Variants in APBB1IP observed in about 807,000 individuals in gnomAD.
APBB1IP encodes amyloid beta precursor protein binding family B member 1 interacting protein.
A neutral mutation model predicts 64.9 loss-of-function variants in APBB1IP; 27 were observed. The ratio of observed to expected loss-of-function variants is 0.42; its 90% CI spans 0.31 to 0.57. APBB1IP has a LOEUF of 0.57. Ranked by LOEUF, APBB1IP falls within the 20% of genes least tolerant of loss-of-function variation. The probability of loss-of-function intolerance (pLI) is 0.20; values close to 1 mark genes in which losing one functional copy is unlikely to be tolerated. For missense variants in APBB1IP, 812 were observed against 845.5 expected (o/e 0.96, Z 0.49); for synonymous variants, 392 against 331.0 (o/e 1.18, Z -2.00).
At chr10:26,472,446 T>C (rs1226299442) in intron 2 of APBB1IP, among the ~76,000 whole-genome samples, 1 of 151,992 alleles carries the variant, frequency 6.6e-6, no homozygotes, top group Non-Finnish European at 1.5e-5. Flanking sequence ...TCTGAAGGAG[T>C]TCAGTTTGGC....
In APBB1IP at chr10:26,501,897, AAT is replaced by A. The variant is rs1412462785; in HGVS notation, c.453+789_453+790del. On this transcript the variant is annotated intron_variant, in intron 5 of 14. Coordinates refer to ENST00000376236, the MANE Select transcript of APBB1IP (RefSeq NM_019043.4). ...TCATACAATGCCTTTTGAATGAACAAATATTGAATATAAATCAAATATTAAAT... is the reference window on the plus strand; with the variant it reads ...TCATACAATGCCTTTTGAATGAACAAATTGAATATAAATCAAATATTAAAT... 2.6e-5 allele frequency: 4 copies of A among 152,364 alleles called. No individual in the cohort carries two copies. In the East Asian group the frequency reaches 7.7e-4, roughly 29 times the overall value. 9.4% of individuals were successfully genotyped at this position (152,364 alleles called of 1,614,324 possible). A position where few individuals can be genotyped will look rare whatever the true frequency, so the allele number is the denominator to read the frequency against.
chr10:26,562,352 A>G lies in APBB1IP; in HGVS notation c.1396A>G (p.Asn466Asp), dbSNP rs1370257189. 6.2e-7 allele frequency: 1 copy of G among 1,613,910 alleles called. No homozygotes were observed. Among genetic ancestry groups the G allele is most frequent in the South Asian group, 1.1e-5 (1 of 91,072 alleles). ...ACCTAAAACAGGCACCACCCAGCCCAATGGACAGATTCCCCAGGCTACACA... is the reference window on the plus strand; with the variant it reads ...ACCTAAAACAGGCACCACCCAGCCCGATGGACAGATTCCCCAGGCTACACA... ...TGPKTGTTQP[N>D]GQIPQATHSV... The change falls in exon 14 of 15, where the codon AAT becomes GAT. Residue 466 changes from asparagine to aspartate, a missense_variant. Asn to Asp is a conservative substitution (Grantham distance 23, BLOSUM62 1). Around this residue, in one of 3 missense-constraint regions of APBB1IP, gnomAD observed 381 missense variants for 352.1 expected, o/e 1.08. Coordinates refer to ENST00000376236, the MANE Select transcript of APBB1IP (RefSeq NM_019043.4).
At chr10:26,495,233 C>G (rs1450910086) in intron 3 of APBB1IP, among the ~76,000 whole-genome samples, 1 of 151,798 alleles carries the variant, frequency 6.6e-6, no homozygotes. Flanking sequence ...GTCTCTATCT[C>G]CTGATGTTGT....
intron 2 of APBB1IP, among the ~76,000 whole-genome samples, chr10:26,465,642 G>A (rs1390991513): frequency 6.6e-6 from 1 of 152,074 alleles, no homozygotes; most frequent in African/African-American, 2.4e-5. Context: ...TCATCACTTA[G>A]TAATTATCAT....
At chr10:26,498,959 G>C (rs1247944210) in intron 4 of APBB1IP, among the ~76,000 whole-genome samples, 1 of 152,070 alleles carries the variant, frequency 6.6e-6, no homozygotes, top group Non-Finnish European at 1.5e-5. Flanking sequence ...GCTAAAACAA[G>C]TTCAAAATAT....
At chr10:26,560,235 G>A (rs992658943) in intron 12 of APBB1IP, 32 bp downstream of exon 12, 2 of 1,596,318 alleles carry the variant, frequency 1.3e-6, no homozygotes, top group Non-Finnish European at 1.7e-6. Context: ...ACCCTGTCTT[G>A]AACTTGCCAG....
intron 8 of APBB1IP, among the ~76,000 whole-genome samples, chr10:26,525,409 G>T (rs1289485146): frequency 6.6e-6 from 1 of 152,144 alleles, no homozygotes; most frequent in Non-Finnish European, 1.5e-5. Flanking sequence ...AATTTGTGTT[G>T]CTTTTCTCTT....
intron 2 of APBB1IP, among the ~76,000 whole-genome samples, chr10:26,468,161 G>T (rs1483458743): frequency 2.0e-5 from 3 of 152,186 alleles, no homozygotes; most frequent in African/African-American, 7.2e-5. Context: ...CCTTGCTCAT[G>T]CTCTTAATAG....
At chr10:26,447,374 CA>C (rs55948326) in intron 2 of APBB1IP, among the ~76,000 whole-genome samples, 91 of 55,020 alleles carry the variant, frequency 1.7e-3, no homozygotes, top group African/African-American at 3.5e-3. Context: ...GACTCCGTCT[CA>C]AAAAAAAAAA....
intron 4 of APBB1IP, among the ~76,000 whole-genome samples, chr10:26,499,089 C>A (rs958023696): frequency 3.3e-5 from 5 of 151,928 alleles, no homozygotes; most frequent in African/African-American, 1.2e-4. Context: ...CATAATGAGA[C>A]CACTGTCTCT....
intron 2 of APBB1IP, among the ~76,000 whole-genome samples, chr10:26,484,123 G>A (rs948501528): frequency 6.6e-6 from 1 of 151,958 alleles, no homozygotes; most frequent in Non-Finnish European, 1.5e-5. Flanking sequence ...AAGAAAGCAG[G>A]GTTTTGACAG....
At chr10:26,561,712 A>C (rs1836974785) in intron 13 of APBB1IP, among the ~76,000 whole-genome samples, 1 of 152,142 alleles carries the variant, frequency 6.6e-6, no homozygotes, top group South Asian at 2.1e-4. Flanking sequence ...TGTCAAAAGG[A>C]CAAATTAAAA....
At chr10:26,559,618 CTTTCT>C (rs1274885576) in intron 11 of APBB1IP, among the ~76,000 whole-genome samples, 2 of 146,052 alleles carry the variant, frequency 1.4e-5, no homozygotes, top group Non-Finnish European at 3.0e-5. Flanking sequence ...AAATTTCTTT[CTTTCT>C]TTTTTTTTTT....
chr10:26,555,840 C>A (rs959545385), intron 11 of APBB1IP, among the ~76,000 whole-genome samples: 6 of 152,190 alleles, frequency 3.9e-5, no homozygotes, highest in African/African-American at 1.2e-4. Flanking sequence ...CTCAAGTGAT[C>A]TGCCTGTCTT....
At chr10:26,559,967 T>C (rs530755769) in intron 11 of APBB1IP, 138 bp from the exon 12 acceptor site, 3 of 696,040 alleles carry the variant, frequency 4.3e-6, no homozygotes. Context: ...ATCTTCCTAA[T>C]CTTAACATTA....
intron 2 of APBB1IP, among the ~76,000 whole-genome samples, chr10:26,453,933 A>G (rs907939139): frequency 1.3e-5 from 2 of 152,202 alleles, no homozygotes; most frequent in Non-Finnish European, 2.9e-5. Context: ...TTGTTGCAGC[A>G]CTGTTCACAA....
At chr10:26,439,510 G>A (rs766276842) in intron 2 of APBB1IP, among the ~76,000 whole-genome samples, 1 of 152,186 alleles carries the variant, frequency 6.6e-6, no homozygotes, top group East Asian at 1.9e-4. Flanking sequence ...GCCTTTTACA[G>A]AATGGAGGAA....
chr10:26,451,547 A>G (rs1296094004), intron 2 of APBB1IP, among the ~76,000 whole-genome samples: 3 of 152,232 alleles, frequency 2.0e-5, no homozygotes, highest in Admixed American at 6.5e-5. Flanking sequence ...GGACGTCCAG[A>G]ATCACATCTG....
intron 8 of APBB1IP, among the ~76,000 whole-genome samples, chr10:26,518,909 T>A (rs922846169): frequency 6.6e-6 from 1 of 152,158 alleles, no homozygotes. Flanking sequence ...TCACACAGAT[T>A]TTTTATTAAA....
Sources: allele counts gnomAD v4.1 joint callset (sites outside exome capture counted in the v4.1 genomes callset), GRCh38; gene constraint gnomAD v4.1.1; regional missense constraint gnomAD v4.1.1; transcripts MANE v1.5; gene names NCBI Gene and HGNC (gene_info 2026-07-23, HGNC 2026-07-21).